RFWD3: variants seen among roughly 807,000 people sequenced by gnomAD.
RFWD3 encodes the protein ring finger and WD repeat domain 3, also known as E3 ubiquitin-protein ligase RFWD3.
Under a neutral mutation model 87.7 loss-of-function variants are expected in RFWD3, and 65 were observed. The ratio of observed to expected loss-of-function variants is 0.74; its 90% CI spans 0.61 to 0.91. The LOEUF is 0.91. Ranked by LOEUF, RFWD3 falls within the 40% of genes least tolerant of loss-of-function variation. The pLI is 0.00. For missense variants in RFWD3, 1,078 were observed against 938.5 expected (o/e 1.15, Z -1.94); for synonymous variants, 433 against 352.8 (o/e 1.23, Z -2.55).
intron 2 of RFWD3, among the ~76,000 whole-genome samples, chr16:74,655,120 A>G (rs1287751517): frequency 6.6e-6 from 1 of 151,974 alleles, no homozygotes; most frequent in Non-Finnish European, 1.5e-5. Flanking sequence ...ACACCCCTCT[A>G]TTGGAAGATG....
chr16:74,637,122 T>TAAAAAAAAA (rs759556308), intron 7 of RFWD3, among the ~76,000 whole-genome samples: 1 of 101,798 alleles, frequency 9.8e-6, no homozygotes, highest in African/African-American at 3.8e-5. Context: ...TAAAGTCCTT[T>TAAAAAAAAA]AAAAAAAAAA....
intron 1 of RFWD3, chr16:74,666,223 T>TTGAC (rs1567591875): frequency 6.7e-6 from 1 of 149,828 alleles, no homozygotes; most frequent in East Asian, 1.9e-4. Context: ...GATAGATAGA[T>TTGAC]TGATTAGATA....
chr16:74,653,792 T>C (rs1253030536), intron 2 of RFWD3, among the ~76,000 whole-genome samples: 1 of 152,208 alleles, frequency 6.6e-6, no homozygotes, highest in African/African-American at 2.4e-5. Flanking sequence ...AAAATTTTAT[T>C]CCTAATAGTT....
chr16:74,626,822 G>GAGAA (rs10637348), intron 11 of RFWD3, among the ~76,000 whole-genome samples: 2 of 60 alleles, frequency 0.033, no homozygotes, highest in African/African-American at 0.071. Flanking sequence ...AAACAATTCT[G>GAGAA]TGAGTTGTCT....
chr16:74,621,458 CAG>C lies in RFWD3; in HGVS notation c.*2468_*2469del, dbSNP rs1324095640. ...AAAACATAAAACAGAAACATTAAAA[CAG>C]GGCATAAACAGAGTTCCCATGGCCC... On this transcript the variant is annotated 3_prime_UTR_variant, in exon 13 of 13. Coordinates refer to ENST00000361070, the MANE Select transcript of RFWD3 (RefSeq NM_018124.4). The C allele has an allele frequency of 6.6e-6, 1 of 152,126 alleles. No individual in the cohort carries two copies. The highest frequency in any genetic ancestry group is 1.9e-4 in the East Asian group (1 of 5,190). 9.4% of individuals were successfully genotyped at this position (152,126 alleles called of 1,614,324 possible). A position where few individuals can be genotyped will look rare whatever the true frequency, so the allele number is the denominator to read the frequency against.
In RFWD3 at chr16:74,630,880, G is replaced by C; in HGVS notation, c.1655C>G (p.Ala552Gly). The C allele has an allele frequency of 6.2e-7, 1 of 1,614,046 alleles. No individual in the cohort carries two copies. Among genetic ancestry groups the C allele is most frequent in the Non-Finnish European group, 8.5e-7 (1 of 1,179,936 alleles). Residue 552 changes from alanine to glycine, a missense_variant, in exon 10 of 13, where the codon GCT becomes GGT. Ala to Gly is a moderately conservative substitution (Grantham distance 60). Transcript: ENST00000361070. ...GGCCAGTCCAGCATAGATGTAGTTA[G>C]CCTCATCAAGACACCAGCAACAGCT... The part of the protein sequence containing the change: ...VWSCCWCLDE[A>G]NYIYAGLANG...
chr16:74,636,328 AG>A lies in RFWD3; in HGVS notation c.1426+17del. ...AGTCTAATAAAGAACATGAAAGCTG[AG>A]GTTCTAGACTCTTTACCTGGAAGAA... On this transcript the variant is annotated intron_variant, in intron 8 of 12. Transcript: ENST00000361070. 6.3e-7 allele frequency: 1 copy of A among 1,599,450 alleles called. No individual in the cohort carries two copies. Among genetic ancestry groups the A allele is most frequent in the Non-Finnish European group, 8.6e-7 (1 of 1,167,190 alleles).
chr16:74,656,874 C>T (rs201011505), intron 2 of RFWD3, among the ~76,000 whole-genome samples: 1 of 152,254 alleles, frequency 6.6e-6, no homozygotes, highest in South Asian at 2.1e-4. Context: ...TGACTTTTGC[C>T]GGGCTCAAGA....
intron 1 of RFWD3, chr16:74,664,829 G>A (rs1482203245): frequency 1.3e-5 from 2 of 152,168 alleles, no homozygotes; most frequent in Admixed American, 6.5e-5. Flanking sequence ...CACATAGGGC[G>A]GGTGACTCCC....
Position 74,661,281 on chromosome 16 carries a change from G to A in RFWD3, c.169C>T (p.Pro57Ser). 4 of 1,614,198 alleles carry A rather than the reference G, an allele frequency of 2.5e-6. No homozygotes were observed. Among genetic ancestry groups the A allele is most frequent in the Non-Finnish European group, 3.4e-6 (4 of 1,180,034 alleles). Residue 57 changes from proline (P) to serine (S), a missense_variant, in exon 2 of 13, where the codon CCT becomes TCT. Physicochemically the swap from Pro to Ser is moderately conservative, Grantham distance 74. Coordinates refer to ENST00000361070, the MANE Select transcript of RFWD3 (RefSeq NM_018124.4). ...GCTTGGCTGCTGATCACCTCAGCAGGAGCTGGCTGGAGGATGGATGGTACC... is the reference window on the plus strand; with the variant it reads ...GCTTGGCTGCTGATCACCTCAGCAGAAGCTGGCTGGAGGATGGATGGTACC... ...QGVPSILQPAPAEVISSQATP... is the reference protein window; with the variant it reads ...QGVPSILQPASAEVISSQATP...
At chr16:74,631,380 G>A (rs1183395984) in intron 9 of RFWD3, among the ~76,000 whole-genome samples, 3 of 152,172 alleles carry the variant, frequency 2.0e-5, no homozygotes, top group East Asian at 3.9e-4. Context: ...GCTGAGGCAG[G>A]AGAATCACTT....
intron 6 of RFWD3, among the ~76,000 whole-genome samples, chr16:74,643,066 T>C (rs28616016): frequency 0.43 from 65,287 of 152,028 alleles, 14,498 homozygotes; most frequent in African/African-American, 0.51. Flanking sequence ...CAAGTGAGCA[T>C]TGGTTGGACC....
chr16:74,660,217 C>T (rs955444886), intron 2 of RFWD3, among the ~76,000 whole-genome samples: 10 of 152,220 alleles, frequency 6.6e-5, no homozygotes, highest in African/African-American at 7.2e-5. Context: ...CCTCTCTGAG[C>T]GGAGATCGCA....
At chr16:74,638,616 T>C (rs889612163) in intron 6 of RFWD3, among the ~76,000 whole-genome samples, 3 of 152,240 alleles carry the variant, frequency 2.0e-5, no homozygotes, top group African/African-American at 7.2e-5. Flanking sequence ...GCTGCCCTTA[T>C]TAATTTTTAT....
chr16:74,627,495 T>C (rs1958972196), intron 11 of RFWD3, among the ~76,000 whole-genome samples: 1 of 152,082 alleles, frequency 6.6e-6, no homozygotes, highest in Non-Finnish European at 1.5e-5. Context: ...CTCTTCTCTG[T>C]GGGATCTGTC....
intron 4 of RFWD3, among the ~76,000 whole-genome samples, chr16:74,646,794 C>G (rs117420568): frequency 0.094 from 14,152 of 151,346 alleles, 1,104 homozygotes; most frequent in East Asian, 0.38. Context: ...AAGATGAGAC[C>G]AGGCATGGTG....
intron 4 of RFWD3, among the ~76,000 whole-genome samples, chr16:74,648,337 TAG>T (rs1960316415): frequency 6.6e-6 from 1 of 151,522 alleles, no homozygotes; most frequent in Admixed American, 6.6e-5. Context: ...CCACTTTGGT[TAG>T]AGACTAGGTT....
At chr16:74,636,314 G>C in intron 8 of RFWD3, 32 bp downstream of exon 8, 1 of 1,573,740 alleles carries the variant, frequency 6.4e-7, no homozygotes, top group Non-Finnish European at 8.7e-7. Flanking sequence ...GTCTAATAAA[G>C]AACATGAAAG....
chr16:74,646,141 A>T (rs1337882385), intron 4 of RFWD3, among the ~76,000 whole-genome samples: 1 of 152,202 alleles, frequency 6.6e-6, no homozygotes, highest in Non-Finnish European at 1.5e-5. Context: ...TTGGGAGGCC[A>T]AGGCAGGAGG....
Sources: gnomAD v4.1 joint callset for allele counts (sites outside exome capture counted in the v4.1 genomes callset) on GRCh38, gnomAD v4.1.1 for gene constraint, MANE v1.5 for transcripts, NCBI Gene and HGNC (gene_info 2026-07-23, HGNC 2026-07-21) for gene names.